Variants in HSPA9 observed in about 807,000 individuals in gnomAD.
HSPA9 encodes the protein heat shock protein family A (Hsp70) member 9, also known as stress-70 protein, mitochondrial.
Under a neutral mutation model 81.5 loss-of-function variants are expected in HSPA9, and 28 were observed. The ratio of observed to expected loss-of-function variants is 0.34; its 90% CI spans 0.25 to 0.47. The LOEUF (loss-of-function observed/expected upper bound fraction) is 0.47, where lower values mean the gene tolerates loss of function less well. HSPA9 is among the 20% of genes least tolerant of loss of function. The pLI is 1.00. For synonymous variants in HSPA9, 293 were observed against 290.4 expected (o/e 1.01, Z -0.09); for missense variants, 678 against 838.0 (o/e 0.81, Z 2.36).
Position 138,569,063 on chromosome 5 carries a change from A to C in HSPA9, c.411-14T>G. On this transcript the variant is annotated splice_polypyrimidine_tract_variant and intron_variant, in intron 4 of 16. Coordinates refer to ENST00000297185, the MANE Select transcript of HSPA9 (RefSeq NM_004134.7). ...GGAACATTTTTACTGTAAGACACAA[A>C]AATTCTATTAGAGAAAACTACCTGA... The C allele has an allele frequency of 6.2e-7, 1 of 1,612,842 alleles. No homozygotes were observed. Among genetic ancestry groups the C allele is most frequent in the Non-Finnish European group, 8.5e-7 (1 of 1,179,080 alleles).
chr5:138,570,793 T>C (rs1335438668), intron 4 of HSPA9, 167 bp downstream of exon 4: 1 of 693,504 alleles, frequency 1.4e-6, no homozygotes, highest in African/African-American at 1.8e-5. Context: ...CAAAAATGAA[T>C]TTTTTAAAGG....
In HSPA9 at chr5:138,574,089, A is replaced by G. The variant is rs764184668; in HGVS notation, c.119T>C (p.Leu40Pro). Reference sequence around the variant, plus strand: ...TTACGCATAATCCCGCCTTGAAACAAGTCTAAAAGCCTCATGACTAAGGCC... The same window carrying G: ...TTACGCATAATCCCGCCTTGAAACAGGTCTAAAAGCCTCATGACTAAGGCC... ...WNGLSHEAFR[L>P]VSRRDYASEA... is the part of the protein sequence containing the mutation. Residue 40 changes from leucine to proline, a missense_variant, in exon 2 of 17, where the codon CTT (leucine) becomes CCT (proline). Coordinates refer to ENST00000297185, the MANE Select transcript of HSPA9 (RefSeq NM_004134.7). 2 of 1,613,758 alleles carry G rather than the reference A, an allele frequency of 1.2e-6. No homozygotes were observed. Among genetic ancestry groups the G allele is most frequent in the African/African-American group, 1.3e-5 (1 of 74,922 alleles).
At chr5:138,570,297 A>T (rs1324929296) in intron 4 of HSPA9, among the ~76,000 whole-genome samples, 1 of 152,120 alleles carries the variant, frequency 6.6e-6, no homozygotes, top group Non-Finnish European at 1.5e-5. Flanking sequence ...CAACATAGTG[A>T]GCCCCGTTTC....
At chr5:138,574,865 C>T (rs1198799845) in intron 1 of HSPA9, 2 of 273,240 alleles carry the variant, frequency 7.3e-6, no homozygotes, top group African/African-American at 2.3e-5. Flanking sequence ...GGGATCCTTA[C>T]ACACTCTGTA....
chr5:138,561,469 C>A (rs956327013), intron 10 of HSPA9, 111 bp downstream of exon 10: 1 of 813,298 alleles, frequency 1.2e-6, no homozygotes, highest in Admixed American at 2.0e-5. Context: ...ATAATCTCAT[C>A]TCCCTTTTAG....
At position 138,560,791 on chromosome 5, in the gene HSPA9, G is replaced by A. The variant is rs377104098; in HGVS notation, c.1183-700C>T. The A allele has an allele frequency of 5.0e-5, 19 of 378,258 alleles. 1 individual carries two copies. Among genetic ancestry groups the A allele is most frequent in the Middle Eastern group, 1.2e-3 (2 of 1,626 alleles). The allele number at this position is 378,258 out of a possible 1,614,324, so 23.4% of individuals were successfully genotyped here. A position where few individuals can be genotyped will look rare whatever the true frequency, so the allele number is the denominator to read the frequency against. ...TCTCGATCTCTTGACCTCGTGATCC[G>A]CCCGCCTTGGCCTCCCAAAGTGCTG... On this transcript the variant is annotated intron_variant, in intron 10 of 16. Coordinates refer to ENST00000297185, the MANE Select transcript of HSPA9 (RefSeq NM_004134.7).
Position 138,575,395 on chromosome 5 carries a change from C to T in HSPA9, c.-77G>A. On this transcript the variant is annotated 5_prime_UTR_variant, in exon 1 of 17. Coordinates refer to ENST00000297185, the MANE Select transcript of HSPA9 (RefSeq NM_004134.7). ...GAGCTGCGCGATGCGGTGGCGGCAG[C>T]GCTTCTGGAAACCTCCAACCACGTG... 1 of 1,302,196 alleles carries T rather than the reference C, an allele frequency of 7.7e-7. No homozygotes were observed. The highest frequency in any genetic ancestry group is 1.2e-5 in the South Asian group (1 of 81,438). 80.7% of individuals were successfully genotyped at this position (1,302,196 alleles called of 1,614,324 possible). A position where few individuals can be genotyped will look rare whatever the true frequency, so the allele number is the denominator to read the frequency against.
In HSPA9 at chr5:138,566,676, C is replaced by T. The variant is rs1750770928; in HGVS notation, c.922G>A (p.Val308Ile). ...TTAGCCTTTTCAGCAGCTTCCCGTA[C>T]CCTCTGAAGTGCCATGTTGTCTTTA... ...LTKDNMALQR[V>I]REAAEKAKCE... Residue 308 changes from valine to isoleucine, a missense_variant, in exon 9 of 17, where the codon GTA becomes ATA. Val to Ile is a conservative substitution (Grantham distance 29, BLOSUM62 3). Around this residue, in one of 4 missense-constraint regions of HSPA9, gnomAD observed 484 missense variants for 647.5 expected, o/e 0.75. Transcript: ENST00000297185. 6.2e-7 allele frequency: 1 copy of T among 1,614,058 alleles called. No homozygotes were observed.
intron 5 of HSPA9, 89 bp from the exon 6 acceptor site, chr5:138,567,811 C>CA: frequency 1.1e-6 from 1 of 930,854 alleles, no homozygotes. Flanking sequence ...TTTGCAGCCA[C>CA]AGACAACATT....
At chr5:138,558,895 C>A in intron 11 of HSPA9, 1 of 459,942 alleles carries the variant, frequency 2.2e-6, no homozygotes, top group Admixed American at 3.4e-5. Flanking sequence ...AGCATTAGGA[C>A]AGAAGTCCTC....
intron 11 of HSPA9, chr5:138,559,118 T>G (rs1207189801): frequency 4.7e-6 from 1 of 214,872 alleles, no homozygotes; most frequent in East Asian, 1.1e-4. Flanking sequence ...TTTTTTTTTT[T>G]GAGACAAGAC....
In HSPA9 at chr5:138,568,980, C is replaced by G. The variant is rs758173006; in HGVS notation, c.480G>C (p.Leu160Phe). 10 of 1,613,890 alleles carry G rather than the reference C, an allele frequency of 6.2e-6. No homozygotes were observed. The highest frequency in any genetic ancestry group is 8.5e-6 in the Non-Finnish European group (10 of 1,179,910). ...ATGCTCCAATCTGACTCGGAGAATA[C>G]AATTTCCCATGAGCCTCAACCCAGG... ...GDAWVEAHGK[L>F]YSPSQIGAFV... The change falls in exon 5 of 17, where the codon TTG (leucine) becomes TTC (phenylalanine). Residue 160 changes from leucine (L) to phenylalanine (F), a missense_variant. Physicochemically the swap from Leu to Phe is conservative, Grantham distance 22. Transcript: ENST00000297185.
intron 1 of HSPA9, among the ~76,000 whole-genome samples, chr5:138,574,344 G>A (rs1343897204): frequency 3.9e-5 from 6 of 152,192 alleles, no homozygotes; most frequent in Admixed American, 2.0e-4. Context: ...AATTTTGGGC[G>A]AAATTTTTGT....
At position 138,561,762 on chromosome 5, in the gene HSPA9, T is replaced by C. The variant is rs1291059207; in HGVS notation, c.1000A>G (p.Met334Val). The C allele has an allele frequency of 2.5e-6, 4 of 1,614,096 alleles. No individual in the cohort carries two copies. The highest frequency in any genetic ancestry group is 1.6e-4 in the Middle Eastern group (1 of 6,062). ...QTDINLPYLT[M>V]DSSGPKHLNM... is the part of the protein sequence containing the mutation. Reference sequence around the variant, plus strand: ...AAATGCTTGGGTCCAGAAGAATCCATTGTAAGATAGGGCAAATTGATGTCA... The same window carrying C: ...AAATGCTTGGGTCCAGAAGAATCCACTGTAAGATAGGGCAAATTGATGTCA... Residue 334 changes from methionine to valine, a missense_variant, in exon 10 of 17, where the codon ATG (methionine) becomes GTG (valine). Physicochemically the swap from Met to Val is conservative, Grantham distance 21. Coordinates refer to ENST00000297185, the MANE Select transcript of HSPA9 (RefSeq NM_004134.7).
intron 3 of HSPA9, among the ~76,000 whole-genome samples, chr5:138,571,707 C>T (rs571668764): frequency 1.9e-4 from 28 of 149,392 alleles, no homozygotes; most frequent in African/African-American, 4.4e-4. Flanking sequence ...AGTGCAGTGG[C>T]GCGATCTCGG....
At chr5:138,572,364 A>C (rs990514408) in intron 3 of HSPA9, among the ~76,000 whole-genome samples, 3 of 152,118 alleles carry the variant, frequency 2.0e-5, no homozygotes, top group Admixed American at 6.6e-5. Flanking sequence ...TAGGACTACT[A>C]ATTTACTATT....
intron 8 of HSPA9, 88 bp downstream of exon 8, chr5:138,566,913 C>T: frequency 7.2e-7 from 1 of 1,396,316 alleles, no homozygotes; most frequent in Non-Finnish European, 1.0e-6. Context: ...GGGGGTTGAA[C>T]TGAACTCGTA....
At chr5:138,561,910 G>A (rs962361125) in intron 9 of HSPA9, 121 bp from the exon 10 acceptor site, 1 of 786,740 alleles carries the variant, frequency 1.3e-6, no homozygotes, top group South Asian at 1.4e-5. Context: ...AAGGGAGGGT[G>A]AGATCTAATT....
intron 6 of HSPA9, 26 bp from the exon 7 acceptor site, chr5:138,567,587 T>C (rs758813215): frequency 6.2e-7 from 1 of 1,609,306 alleles, no homozygotes; most frequent in Non-Finnish European, 8.5e-7. Context: ...AGAAAAACAT[T>C]TTTGTACCCT....
Sources: allele counts gnomAD v4.1 joint callset (sites outside exome capture counted in the v4.1 genomes callset), GRCh38; gene constraint gnomAD v4.1.1; regional missense constraint gnomAD v4.1.1; transcripts MANE v1.5; gene names NCBI Gene and HGNC (gene_info 2026-07-23, HGNC 2026-07-21).